SDK2: variants seen among roughly 807,000 people sequenced by gnomAD.
SDK2 encodes the protein protein sidekick-2.
In SDK2, 105 loss-of-function variants were observed where a neutral mutation model predicts 253.9. That is an observed-to-expected ratio of 0.41 (90% CI 0.35 to 0.49). The LOEUF is 0.49. Among genes scored for constraint, SDK2 ranks in the 20% least tolerant of loss-of-function variants. The pLI is 0.06. For missense variants in SDK2, 2,608 were observed against 3,003.0 expected (o/e 0.87, Z 3.07); for synonymous variants, 1,249 against 1,234.9 (o/e 1.01, Z -0.24).
In SDK2 at chr17:73,379,803, A is replaced by G. The variant is rs1031576250; in HGVS notation, c.4763-254T>C. 1.1e-4 allele frequency among the ~76,000 whole-genome samples: 2 copies of G among 17,752 alleles called. No homozygotes were observed. Among genetic ancestry groups the G allele is most frequent in the Non-Finnish European group, 2.3e-4 (2 of 8,836 alleles). The allele number at this position is 17,752 out of a possible 152,430, so 11.6% of individuals were successfully genotyped here. A position where few individuals can be genotyped will look rare whatever the true frequency, so the allele number is the denominator to read the frequency against. Reference sequence around the variant, plus strand: ...CGTACATTTTATTGTTCAACTGGACACTTTTGAGACTGAAACCACTATGAA... The same window carrying G: ...CGTACATTTTATTGTTCAACTGGACGCTTTTGAGACTGAAACCACTATGAA... On this transcript the variant is annotated intron_variant, in intron 34 of 44. Transcript: ENST00000392650. This position sits in a 1 kb window ranked among gnomAD's most constrained non-coding sequence, Gnocchi z 4.5.
intron 39 of SDK2, among the ~76,000 whole-genome samples, chr17:73,360,176 G>A (rs928532397): frequency 2.0e-5 from 3 of 152,206 alleles, no homozygotes; most frequent in African/African-American, 4.8e-5. Context: ...GAGAGGCAGC[G>A]CGGGGCGGGG....
intron 29 of SDK2, 122 bp from the exon 30 acceptor site, chr17:73,388,159 C>A: frequency 2.9e-6 from 2 of 688,406 alleles, no homozygotes; most frequent in Non-Finnish European, 5.0e-6. Flanking sequence ...CTTCCCATCC[C>A]AATTCCATGC....
rs899716851 is a variant in SDK2, at chr17:73,399,667, G to A, written c.2972-378C>T. 1.3e-4 allele frequency among the ~76,000 whole-genome samples: 20 copies of A among 152,178 alleles called. 1 individual carries two copies. The highest frequency in any genetic ancestry group is 1.2e-3 in the Admixed American group (18 of 15,282). On this transcript the variant is annotated intron_variant, in intron 21 of 44. Transcript: ENST00000392650. ...GCTGAGAAAGAAACCAAACGGGACC[G>A]ATCCTCCCTTCCATCCGCCCAGACC...
At chr17:73,529,809 C>T (rs2064155370) in intron 1 of SDK2, among the ~76,000 whole-genome samples, 1 of 152,224 alleles carries the variant, frequency 6.6e-6, no homozygotes, top group Non-Finnish European at 1.5e-5. Context: ...AAGGAACCCG[C>T]TGGGCTGACA....
chr17:73,643,340 CTGGGTGTGGG>C lies in SDK2; in HGVS notation c.64+675_64+684del, dbSNP rs2046421559. The stretch of plus-strand genomic sequence containing the variant: ...GAGGCTGGAGGCAGGGGCGGGGATG[CTGGGTGTGGG>C]TGGATGGGTAGGAGGGGAGGCCTCA... On this transcript the variant is annotated intron_variant, in intron 1 of 44. Coordinates refer to ENST00000392650, the MANE Select transcript of SDK2 (RefSeq NM_001144952.2). This position sits in a 1 kb window ranked among gnomAD's most constrained non-coding sequence, Gnocchi z 6.9. 6.6e-6 allele frequency among the ~76,000 whole-genome samples: 1 copy of C among 152,120 alleles called. No homozygotes were observed. Among genetic ancestry groups the C allele is most frequent in the African/African-American group, 2.4e-5 (1 of 41,456 alleles).
chr17:73,610,783 A>G (rs920470383), intron 1 of SDK2, among the ~76,000 whole-genome samples: 28 of 152,102 alleles, frequency 1.8e-4, no homozygotes, highest in African/African-American at 6.8e-4. Flanking sequence ...GTTCATGTAT[A>G]TATCTATGCA....
At chr17:73,551,963 G>A (rs2045066560) in intron 1 of SDK2, among the ~76,000 whole-genome samples, 1 of 152,210 alleles carries the variant, frequency 6.6e-6, no homozygotes, top group Non-Finnish European at 1.5e-5. Flanking sequence ...GTGATTGGCT[G>A]CCACCAGACT....
chr17:73,553,630 A>G (rs987608817), intron 1 of SDK2, among the ~76,000 whole-genome samples: 2 of 152,154 alleles, frequency 1.3e-5, no homozygotes, highest in East Asian at 3.9e-4. Flanking sequence ...ACCTGGCCAC[A>G]GCCTCCATCC....
intron 39 of SDK2, among the ~76,000 whole-genome samples, chr17:73,360,922 C>A (rs1286925233): frequency 6.9e-6 from 1 of 144,946 alleles, no homozygotes; most frequent in African/African-American, 2.6e-5. Flanking sequence ...GATGACAGAG[C>A]GAGACTCTGT....
At position 73,348,614 on chromosome 17, in the gene SDK2, T is replaced by A. The variant is rs1010657021; in HGVS notation, c.6150A>T (p.Glu2050Asp). The A allele has an allele frequency of 1.9e-6, 3 of 1,612,740 alleles. No individual in the cohort carries two copies. The African/African-American group carries it at 4.0e-5, about 22-fold the overall frequency. The change falls in exon 44 of 45, where the codon GAA (glutamate) becomes GAT (aspartate). Residue 2050 changes from glutamate to aspartate, a missense_variant. Coordinates refer to ENST00000392650, the MANE Select transcript of SDK2 (RefSeq NM_001144952.2). ...CTGCCCTCACCTGAGAGTCGGAGATTTCTGAGGGCTTCTCCGTCAGGCTGC... is the reference window on the plus strand; with the variant it reads ...CTGCCCTCACCTGAGAGTCGGAGATATCTGAGGGCTTCTCCGTCAGGCTGC... ...ESSSLTEKPS[E>D]ISDSQGSDSE...
chr17:73,612,854 T>G lies in SDK2; in HGVS notation c.64+31171A>C, dbSNP rs185956428. On this transcript the variant is annotated intron_variant, in intron 1 of 44. Transcript: ENST00000392650. The surrounding 1 kb of genome is among the most constrained non-coding windows in gnomAD (Gnocchi z 4.4). ...ATCTCTTGAACCCAGGAGGCAGAAG[T>G]TGCAGTGAGCCAAGATCGCGCCATT... Among the ~76,000 whole-genome samples, 160 of 152,186 alleles carry G rather than the reference T, an allele frequency of 1.1e-3. No individual in the cohort carries two copies. Among genetic ancestry groups the G allele is most frequent in the African/African-American group, 3.6e-3 (151 of 41,512 alleles).
intron 1 of SDK2, among the ~76,000 whole-genome samples, chr17:73,622,715 C>T (rs185668268): frequency 6.6e-6 from 1 of 152,332 alleles, no homozygotes; most frequent in East Asian, 1.9e-4. Context: ...AGAAGGACCA[C>T]AGGGGAAGCA....
At position 73,419,414 on chromosome 17, in the gene SDK2, C is replaced by A. The variant is rs1160234560; in HGVS notation, c.2046-108G>T. On this transcript the variant is annotated intron_variant, in intron 15 of 44. Transcript: ENST00000392650. The stretch of plus-strand genomic sequence containing the variant: ...TGCTCTGACTCTGGATAATTCGGTA[C>A]AACTGCTGTGTGCATCTGGGCAAGT... 10 of 1,259,420 alleles carry A rather than the reference C, an allele frequency of 7.9e-6. No individual in the cohort carries two copies. The Admixed American group carries it at 1.0e-4, about 13-fold the overall frequency. 78.0% of individuals were successfully genotyped at this position (1,259,420 alleles called of 1,614,324 possible).
intron 34 of SDK2, 77 bp downstream of exon 34, chr17:73,380,817 G>T (rs1382899168): frequency 1.5e-6 from 2 of 1,296,582 alleles, no homozygotes; most frequent in Admixed American, 2.0e-5. Flanking sequence ...CTGTGATCAG[G>T]TCTCTCAAGG....
chr17:73,434,872 C>T (rs1187436393), intron 9 of SDK2, among the ~76,000 whole-genome samples: 1 of 152,106 alleles, frequency 6.6e-6, no homozygotes, highest in African/African-American at 2.4e-5. Context: ...TCAAGTGATC[C>T]ACCCCCCTCG....
chr17:73,564,111 C>T (rs1417438540), intron 1 of SDK2, among the ~76,000 whole-genome samples: 1 of 152,190 alleles, frequency 6.6e-6, no homozygotes, highest in Non-Finnish European at 1.5e-5. Context: ...TTGTATTCAC[C>T]TTGCTTTACG....
At chr17:73,537,737 T>C (rs1041573978) in intron 1 of SDK2, among the ~76,000 whole-genome samples, 4 of 152,166 alleles carry the variant, frequency 2.6e-5, no homozygotes, top group African/African-American at 4.8e-5. Flanking sequence ...CCCTTCTCAA[T>C]GTGCCAATCT....
At chr17:73,483,687 ATATATATATATATATATATATTT>A (rs2063750331) in intron 2 of SDK2, among the ~76,000 whole-genome samples, 3 of 68,918 alleles carry the variant, frequency 4.4e-5, no homozygotes, top group African/African-American at 1.7e-4. Context: ...ATATATTTAT[ATATATATATATATATATATATTT>A]TTTTTTTTTT....
At chr17:73,450,650 G>A (rs879674159) in intron 4 of SDK2, among the ~76,000 whole-genome samples, 1 of 152,164 alleles carries the variant, frequency 6.6e-6, no homozygotes, top group Non-Finnish European at 1.5e-5. Context: ...GATCAGGAAG[G>A]CTCCTTTCAC....
Sources: gnomAD v4.1 joint callset for allele counts (sites outside exome capture counted in the v4.1 genomes callset) on GRCh38, gnomAD v4.1.1 for gene constraint, Gnocchi (gnomAD v3.1) non-coding constraint, MANE v1.5 for transcripts, NCBI Gene and HGNC (gene_info 2026-07-23, HGNC 2026-07-21) for gene names.